WNT10A: variants seen among roughly 807,000 people sequenced by gnomAD.
WNT10A encodes the protein protein Wnt-10a.
A neutral mutation model predicts 36.1 loss-of-function variants in WNT10A; 37 were observed. That is an observed-to-expected ratio of 1.02 (90% CI 0.79 to 1.35). The LOEUF (loss-of-function observed/expected upper bound fraction) is 1.35, where lower values mean the gene tolerates loss of function less well. WNT10A is among the 40% of genes most tolerant of loss of function. The pLI is 0.00. For missense variants in WNT10A, 613 were observed against 601.4 expected (o/e 1.02, Z -0.20); for synonymous variants, 255 against 254.1 (o/e 1.00, Z -0.03).
upstream of WNT10A, among the ~76,000 whole-genome samples, chr2:218,877,643 C>T (rs1005067848): frequency 3.3e-5 from 5 of 152,146 alleles, no homozygotes; most frequent in Admixed American, 2.0e-4. The surrounding 1 kb of genome is among the most constrained non-coding windows in gnomAD (Gnocchi z 4.1). Flanking sequence ...CAGGAACAGG[C>T]GGAACACAGG....
At chr2:218,887,590 G>A (rs971595393) in intron 2 of WNT10A, among the ~76,000 whole-genome samples, 2 of 152,118 alleles carry the variant, frequency 1.3e-5, no homozygotes, top group Admixed American at 1.3e-4. Flanking sequence ...ATGCAAAAAT[G>A]TACTGAGATG....
chr2:218,874,399 G>A, the WNT10A span, among the ~76,000 whole-genome samples: 5 of 152,192 alleles, frequency 3.3e-5, no homozygotes, highest in African/African-American at 1.2e-4. Flanking sequence ...CATTCTTCTT[G>A]TTCACTCCTG....
chr2:218,882,362 G>C lies in WNT10A; in HGVS notation c.315G>C (p.Trp105Cys), dbSNP rs886055642. Residue 105 changes from tryptophan (W) to cysteine (C), a missense_variant, in exon 2 of 4, where the codon TGG (tryptophan) becomes TGC (cysteine). By Grantham distance (215) the Trp-to-Cys change is radical. Coordinates refer to ENST00000258411, the MANE Select transcript of WNT10A (RefSeq NM_025216.3). ...AACACCAATTCAGGGACCAGCGCTG[G>C]AACTGCTCAAGCCTGGAGACTCGCA... ...ECQHQFRDQR[W>C]NCSSLETRNK... 4.3e-6 allele frequency: 7 copies of C among 1,614,158 alleles called. No homozygotes were observed. The highest frequency in any genetic ancestry group is 5.9e-6 in the Non-Finnish European group (7 of 1,180,026).
At position 218,882,199 on chromosome 2, in the gene WNT10A, C is replaced by T. The variant is rs372538189; in HGVS notation, c.152C>T (p.Pro51Leu). ...PNDILDLRLP[P>L]EPVLNANTVC... ...GACATTCTGGACCTCCGCCTCCCCCCGGAGCCCGTGCTCAATGCCAACACA... is the reference window on the plus strand; with the variant it reads ...GACATTCTGGACCTCCGCCTCCCCCTGGAGCCCGTGCTCAATGCCAACACA... The change falls in exon 2 of 4, where the codon CCG becomes CTG. Residue 51 changes from proline to leucine, a missense_variant. Transcript: ENST00000258411. The T allele has an allele frequency of 3.2e-5, 52 of 1,614,040 alleles. No individual in the cohort carries two copies. The highest frequency in any genetic ancestry group is 2.0e-4 in the African/African-American group (15 of 74,912).
At chr2:218,874,902 G>T in the WNT10A span, among the ~76,000 whole-genome samples, 1 of 152,102 alleles carries the variant, frequency 6.6e-6, no homozygotes. Flanking sequence ...CACTTCTCAG[G>T]ATTTTTGAGG....
At chr2:218,878,815 A>G (rs1013979937), upstream of WNT10A, among the ~76,000 whole-genome samples, 2 of 152,154 alleles carry the variant, frequency 1.3e-5, no homozygotes, top group African/African-American at 4.8e-5. This position sits in a 1 kb window ranked among gnomAD's most constrained non-coding sequence, Gnocchi z 4.1. Context: ...CCAACAGCCA[A>G]TAAGAATATG....
At chr2:218,892,122 A>T (rs1420931249) in intron 3 of WNT10A, among the ~76,000 whole-genome samples, 1 of 151,940 alleles carries the variant, frequency 6.6e-6, no homozygotes, top group Non-Finnish European at 1.5e-5. Context: ...CCTAGGACGA[A>T]CCATGGGTCT....
rs768281079 is a variant in WNT10A at position 218,893,123 on chromosome 2, C to G, written c.1106C>G (p.Ser369Trp). ...GRLCNKSSAG[S>W]DGCGSMCCGR... The stretch of plus-strand genomic sequence containing the variant: ...CTGTGCAACAAGAGCAGCGCCGGCT[C>G]GGATGGCTGCGGCAGCATGTGCTGC... Residue 369 changes from serine (S) to tryptophan (W), a missense_variant, in exon 4 of 4, where the codon TCG becomes TGG. Physicochemically the swap from Ser to Trp is radical, Grantham distance 177. Coordinates refer to ENST00000258411, the MANE Select transcript of WNT10A (RefSeq NM_025216.3). This position sits in a 1 kb window ranked among gnomAD's most constrained non-coding sequence, Gnocchi z 6.3. 51 of 1,594,044 alleles carry G rather than the reference C, an allele frequency of 3.2e-5. No individual in the cohort carries two copies. The highest frequency in any genetic ancestry group is 4.1e-5 in the Non-Finnish European group (48 of 1,177,874).
intron 1 of WNT10A, among the ~76,000 whole-genome samples, chr2:218,881,570 T>TGTGTGTGTG (rs1205089452): frequency 2.3e-3 from 326 of 139,350 alleles, no homozygotes; most frequent in African/African-American, 8.4e-3. Context: ...GTGTGTGTGT[T>TGTGTGTGTG]TTCAATCGAG....
intron 3 of WNT10A, among the ~76,000 whole-genome samples, chr2:218,890,658 G>C (rs925124001): frequency 6.6e-6 from 1 of 152,150 alleles, no homozygotes; most frequent in Non-Finnish European, 1.5e-5. Flanking sequence ...AGAAAGGACA[G>C]GGGTGCAGTC....
upstream of WNT10A, among the ~76,000 whole-genome samples, chr2:218,879,006 C>A (rs909686903): frequency 1.3e-5 from 2 of 152,192 alleles, no homozygotes; most frequent in Admixed American, 1.3e-4. Context: ...TCAAATAAGG[C>A]TCTAGCTGAC....
upstream of WNT10A, among the ~76,000 whole-genome samples, chr2:218,878,788 T>A (rs1220548464): frequency 6.6e-6 from 1 of 152,186 alleles, no homozygotes; most frequent in Non-Finnish European, 1.5e-5. This position sits in a 1 kb window ranked among gnomAD's most constrained non-coding sequence, Gnocchi z 4.1. Context: ...CCTAATTCTT[T>A]CTGGGCCTCA....
chr2:218,892,737 C>T lies in WNT10A; in HGVS notation c.757-37C>T, dbSNP rs1230204187. On this transcript the variant is annotated intron_variant, in intron 3 of 3. Transcript: ENST00000258411. ...AAGCGCTGGGAGGGGAGTGGGGCTGCGCGCCGTGTCACCCCTCACGGTGCC... is the reference window on the plus strand; with the variant it reads ...AAGCGCTGGGAGGGGAGTGGGGCTGTGCGCCGTGTCACCCCTCACGGTGCC... 5.1e-6 allele frequency: 8 copies of T among 1,556,404 alleles called. No homozygotes were observed. The Admixed American group carries it at 9.6e-5, about 19-fold the overall frequency.
At chr2:218,891,014 T>C (rs1029264568) in intron 3 of WNT10A, among the ~76,000 whole-genome samples, 1 of 152,184 alleles carries the variant, frequency 6.6e-6, no homozygotes, top group Non-Finnish European at 1.5e-5. Context: ...ATAGCCTGCA[T>C]TTATTGAGTG....
At chr2:218,878,311 T>C (rs1944471413), upstream of WNT10A, among the ~76,000 whole-genome samples, 1 of 152,130 alleles carries the variant, frequency 6.6e-6, no homozygotes, top group Admixed American at 6.5e-5. This position sits in a 1 kb window ranked among gnomAD's most constrained non-coding sequence, Gnocchi z 4.1. Flanking sequence ...GTGCTCTGAC[T>C]TGGGCACTCC....
At chr2:218,882,820 A>G (rs1014682059) in intron 2 of WNT10A, among the ~76,000 whole-genome samples, 3 of 152,196 alleles carry the variant, frequency 2.0e-5, no homozygotes, top group Admixed American at 1.3e-4. Flanking sequence ...CAGCATGAGG[A>G]GGGGTTGAGG....
intron 2 of WNT10A, among the ~76,000 whole-genome samples, chr2:218,883,622 C>A (rs1334984882): frequency 6.6e-6 from 1 of 151,108 alleles, no homozygotes. Context: ...CCCAGCCCGA[C>A]GCGTGTGGCG....
rs1381185098 is a variant in WNT10A at position 218,882,266 on chromosome 2, G to A, written c.219G>A (p.Glu73=). 6.2e-7 allele frequency: 1 copy of A among 1,614,048 alleles called. No homozygotes were observed. Among genetic ancestry groups the A allele is most frequent in the African/African-American group, 1.3e-5 (1 of 74,922 alleles). ...TLPGLSRRQM[E]VCVRHPDVAA... The stretch of plus-strand genomic sequence containing the variant: ...CAGGCCTGAGCCGGCGGCAGATGGA[G>A]GTGTGTGTGCGTCACCCTGATGTGG... Residue 73 remains glutamate, a synonymous_variant, in exon 2 of 4, where the codon GAG becomes GAA. Transcript: ENST00000258411.
At chr2:218,880,830 A>T (rs1944502761), upstream of WNT10A, 1 of 703,420 alleles carries the variant, frequency 1.4e-6, no homozygotes, top group Non-Finnish European at 2.2e-6. This position sits in a 1 kb window ranked among gnomAD's most constrained non-coding sequence, Gnocchi z 7.7. Flanking sequence ...GTGCTGCCCC[A>T]TGGAGCGGGG....
Sources: gnomAD v4.1 joint callset for allele counts (sites outside exome capture counted in the v4.1 genomes callset) on GRCh38, gnomAD v4.1.1 for gene constraint, Gnocchi (gnomAD v3.1) non-coding constraint, MANE v1.5 for transcripts, NCBI Gene and HGNC (gene_info 2026-07-23, HGNC 2026-07-21) for gene names.